The following CDK12 variants were observed in gnomAD, a reference collection of about 807,000 sequenced individuals.
The protein encoded by CDK12 is cyclin-dependent kinase 12.
Under a neutral mutation model 133.8 loss-of-function variants are expected in CDK12, and 17 were observed. The ratio of observed to expected loss-of-function variants is 0.13; its 90% CI spans 0.09 to 0.19. The LOEUF (loss-of-function observed/expected upper bound fraction) is 0.19, where lower values mean the gene tolerates loss of function less well. Among genes scored for constraint, CDK12 ranks in the 10% least tolerant of loss-of-function variants. CDK12 has a pLI of 1.00. For synonymous variants in CDK12, 694 were observed against 683.6 expected, an observed-to-expected ratio of 1.02 and a Z score of -0.24; for missense variants, 1,508 against 1,818.7, an observed-to-expected ratio of 0.83 and a Z score of 3.11.
intron 8 of CDK12, 90 bp from the exon 9 acceptor site, chr17:39,515,641 C>T: frequency 1.3e-6 from 1 of 745,988 alleles, no homozygotes; most frequent in Non-Finnish European, 2.3e-6. Context: ...TGGTTGCAAT[C>T]CGACATATCA....
upstream of CDK12, among the ~76,000 whole-genome samples, chr17:39,548,640 T>A (rs550658211): frequency 2.6e-4 from 40 of 152,304 alleles, 1 homozygote; most frequent in Admixed American, 1.4e-3. Context: ...GCAGCCTCAG[T>A]GGCTGGAATA....
downstream of CDK12, among the ~76,000 whole-genome samples, chr17:39,536,157 G>A (rs1369923805): frequency 1.3e-5 from 2 of 152,062 alleles, no homozygotes; most frequent in African/African-American, 2.4e-5. Context: ...CTTACTGTAC[G>A]CAACTGTCTC....
intron 2 of CDK12, among the ~76,000 whole-genome samples, chr17:39,473,237 C>T (rs2049937185): frequency 6.6e-6 from 1 of 151,476 alleles, no homozygotes; most frequent in Non-Finnish European, 1.5e-5. Context: ...ATCCCAGGGT[C>T]CAAACTAGGA....
intron 2 of CDK12, among the ~76,000 whole-genome samples, chr17:39,472,911 C>T (rs2049905787): frequency 6.6e-6 from 1 of 151,410 alleles, no homozygotes; most frequent in Non-Finnish European, 1.5e-5. Flanking sequence ...CCTGCCTCTA[C>T]TAAAGATTTA....
At chr17:39,562,935 C>T (rs1461360714) in intron 3 of CDK12, among the ~76,000 whole-genome samples, 8 of 121,306 alleles carry the variant, frequency 6.6e-5, no homozygotes, top group Non-Finnish European at 1.3e-4. Context: ...ACAACTTAAG[C>T]AAACTCATTT....
downstream of CDK12, among the ~76,000 whole-genome samples, chr17:39,537,559 T>TTATA (rs1555582212): frequency 8.7e-5 from 13 of 148,934 alleles, no homozygotes; most frequent in Middle Eastern, 3.4e-3. Flanking sequence ...ATTTATTTAT[T>TTATA]TATTTATTTA....
intron 11 of CDK12, among the ~76,000 whole-genome samples, chr17:39,522,429 T>C (rs2054236436): frequency 6.6e-6 from 1 of 151,350 alleles, no homozygotes; most frequent in African/African-American, 2.4e-5. Flanking sequence ...GCCAGTTTTT[T>C]TTGTTGTTTT....
chr17:39,475,766 C>T (rs1048527750), intron 2 of CDK12, among the ~76,000 whole-genome samples: 19 of 151,610 alleles, frequency 1.3e-4, no homozygotes, highest in Admixed American at 5.3e-4. Flanking sequence ...AGGCTGGTCT[C>T]GAACTCCTGA....
Position 39,532,239 on chromosome 17 carries a change from T to G in CDK12, c.*923T>G, listed in dbSNP as rs935301473. On this transcript the variant is annotated 3_prime_UTR_variant, in exon 14 of 14. Transcript: ENST00000447079. ...CAAGAACCTGGGATAATTCTTTACT[T>G]TTTTTGAAATAAAGGAAAGGAAATT... 3.4e-5 allele frequency: 8 copies of G among 233,194 alleles called. No individual in the cohort carries two copies. The highest frequency in any genetic ancestry group is 1.5e-4 in the African/African-American group (7 of 45,320). The allele number at this position is 233,194 out of a possible 1,614,324, so 14.4% of individuals were successfully genotyped here.
chr17:39,516,750 C>G (rs746284546), intron 9 of CDK12, among the ~76,000 whole-genome samples: 45 of 150,568 alleles, frequency 3.0e-4, no homozygotes, highest in Non-Finnish European at 5.3e-4. Context: ...GCAAGCTCCA[C>G]CTCCCAGGTT....
Position 39,462,013 on chromosome 17 carries a change from G to C in CDK12, c.-59G>C. The C allele has an allele frequency of 7.1e-7, 1 of 1,414,562 alleles. No homozygotes were observed. Among genetic ancestry groups the C allele is most frequent in the South Asian group, 1.3e-5 (1 of 77,764 alleles). The allele number at this position is 1,414,562 out of a possible 1,614,324, so 87.6% of individuals were successfully genotyped here. ...GAGTTGGGGTTGGGGGGGTGGGTGGGGGTTGCTTTTTGGAGTGCTGGGGAA... is the reference window on the plus strand; with the variant it reads ...GAGTTGGGGTTGGGGGGGTGGGTGGCGGTTGCTTTTTGGAGTGCTGGGGAA... On this transcript the variant is annotated 5_prime_UTR_variant, in exon 1 of 14. Coordinates refer to ENST00000447079, the MANE Select transcript of CDK12 (RefSeq NM_016507.4).
At chr17:39,490,846 C>A (rs2051536532) in intron 3 of CDK12, 113 bp downstream of exon 3, 1 of 732,544 alleles carries the variant, frequency 1.4e-6, no homozygotes, top group Non-Finnish European at 2.0e-6. Flanking sequence ...AGTTTGGTCC[C>A]AAAGTATTTT....
chr17:39,497,766 G>A (rs1259895382), intron 5 of CDK12, among the ~76,000 whole-genome samples: 27 of 151,798 alleles, frequency 1.8e-4, no homozygotes. Flanking sequence ...ACCACATCCA[G>A]CTGATTTTTT....
chr17:39,519,528 G>T (rs536069854), intron 10 of CDK12, among the ~76,000 whole-genome samples: 51 of 151,024 alleles, frequency 3.4e-4, no homozygotes, highest in African/African-American at 1.2e-3. Context: ...CGATCCACCC[G>T]CTTCAGCCTC....
chr17:39,498,366 A>T (rs796261654), intron 5 of CDK12, among the ~76,000 whole-genome samples: 49 of 152,124 alleles, frequency 3.2e-4, no homozygotes, highest in African/African-American at 1.1e-3. Context: ...CTGGGATTAC[A>T]AGTGTGTGCC....
At chr17:39,563,928 A>G (rs981294902) in intron 3 of CDK12, among the ~76,000 whole-genome samples, 5 of 152,118 alleles carry the variant, frequency 3.3e-5, no homozygotes, top group African/African-American at 1.2e-4. Context: ...AATGTTCTAT[A>G]TCTCCATTTT....
chr17:39,461,628 G>C lies in CDK12; in HGVS notation c.-444G>C, dbSNP rs889891143. The C allele has an allele frequency of 1.1e-5, 3 of 270,546 alleles. No individual in the cohort carries two copies. The highest frequency in any genetic ancestry group is 6.5e-5 in the African/African-American group (3 of 46,228). 16.8% of individuals were successfully genotyped at this position (270,546 alleles called of 1,614,324 possible). On this transcript the variant is annotated 5_prime_UTR_variant, in exon 1 of 14. Transcript: ENST00000447079. ...GGGGGCGTGAGGCACCTAGGCCGCG[G>C]CACCCCGGCGACAGGAAGCCGTCCT...
At chr17:39,563,346 G>A (rs1270255040) in intron 3 of CDK12, among the ~76,000 whole-genome samples, 1 of 151,890 alleles carries the variant, frequency 6.6e-6, no homozygotes, top group African/African-American at 2.4e-5. Flanking sequence ...CATGAGTCAG[G>A]TGGGCTAGGG....
At chr17:39,562,706 CA>C (rs1567826653) in intron 3 of CDK12, among the ~76,000 whole-genome samples, 1 of 151,976 alleles carries the variant, frequency 6.6e-6, no homozygotes, top group South Asian at 2.1e-4. Flanking sequence ...AGTTTGTCAT[CA>C]AAAAAAGGGC....
Sources: allele counts gnomAD v4.1 joint callset (sites outside exome capture counted in the v4.1 genomes callset), GRCh38; gene constraint gnomAD v4.1.1; transcripts MANE v1.5; gene names NCBI Gene and HGNC (gene_info 2026-07-23, HGNC 2026-07-21).